The following RO60 variants were observed in gnomAD, a reference collection of about 807,000 sequenced individuals.
RO60 encodes RNA-binding protein RO60.
RO60 carries 20 observed loss-of-function variants against 55.3 expected under a neutral mutation model. The observed-to-expected ratio is 0.36, with a 90% confidence interval of 0.25 to 0.53. The LOEUF is 0.53. Among genes scored for constraint, RO60 ranks in the 20% least tolerant of loss-of-function variants. The probability of loss-of-function intolerance (pLI) is 0.92; values close to 1 mark genes in which losing one functional copy is unlikely to be tolerated. For synonymous variants in RO60, 213 were observed against 213.6 expected, an observed-to-expected ratio of 1.00 and a Z score of 0.02; for missense variants, 558 against 646.6, an observed-to-expected ratio of 0.86 and a Z score of 1.49.
At chr1:193,080,745 T>C (rs1674249432) in intron 5 of RO60, among the ~76,000 whole-genome samples, 1 of 152,154 alleles carries the variant, frequency 6.6e-6, no homozygotes, top group Non-Finnish European at 1.5e-5. Flanking sequence ...TTATACTAAG[T>C]AAAATAAGCC....
In RO60 at chr1:193,090,350, T is replaced by C. The variant is rs1417903310; in HGVS notation, c.*5619T>C. Reference sequence around the variant, plus strand: ...GGCTTTATTTGTAACGTAAACTATATATAATCCATACGTAGCCAAATTAGA... The same window carrying C: ...GGCTTTATTTGTAACGTAAACTATACATAATCCATACGTAGCCAAATTAGA... On this transcript the variant is annotated 3_prime_UTR_variant, in exon 9 of 9. Coordinates refer to ENST00000400968, the MANE Select transcript of RO60 (RefSeq NM_001173524.2). The C allele has an allele frequency of 1.3e-5, 2 of 152,070 alleles. No individual in the cohort carries two copies. The highest frequency in any genetic ancestry group is 1.3e-4 in the Admixed American group (2 of 15,254). 9.4% of individuals were successfully genotyped at this position (152,070 alleles called of 1,614,324 possible). A position where few individuals can be genotyped will look rare whatever the true frequency, so the allele number is the denominator to read the frequency against.
At chr1:193,082,423 A>G (rs763447132) in intron 7 of RO60, 124 bp downstream of exon 7, 49 of 1,333,924 alleles carry the variant, frequency 3.7e-5, no homozygotes, top group Non-Finnish European at 5.1e-5. Flanking sequence ...TAATTTTTGC[A>G]TGACAAGTAC....
In RO60 at chr1:193,066,369, C is replaced by A. The variant is rs146851855; in HGVS notation, c.-21-2665C>A. 4.2e-3 allele frequency among the ~76,000 whole-genome samples: 647 copies of A among 152,308 alleles called. 4 individuals carry two copies. The highest frequency in any genetic ancestry group is 0.01 in the South Asian group (49 of 4,830). Reference sequence around the variant, plus strand: ...AAGTATGTGTCTACAAAAGAGTAGTCTAGCTGTGAAGTTTCTTCCTCACTG... The same window carrying A: ...AAGTATGTGTCTACAAAAGAGTAGTATAGCTGTGAAGTTTCTTCCTCACTG... On this transcript the variant is annotated intron_variant, in intron 1 of 8. Transcript: ENST00000400968.
intron 1 of RO60, among the ~76,000 whole-genome samples, chr1:193,064,049 A>G (rs995684362): frequency 2.0e-5 from 3 of 152,178 alleles, no homozygotes; most frequent in Admixed American, 6.5e-5. Context: ...CACATATGGC[A>G]AGGTCTGGGG....
intron 1 of RO60, among the ~76,000 whole-genome samples, chr1:193,061,706 C>T (rs898387688): frequency 6.6e-6 from 1 of 152,202 alleles, no homozygotes; most frequent in African/African-American, 2.4e-5. Flanking sequence ...CATGCTTGGC[C>T]GGGCACCGTG....
chr1:193,075,632 G>A (rs1159091319), intron 2 of RO60, among the ~76,000 whole-genome samples, 188 bp from the exon 3 acceptor site: 1 of 152,012 alleles, frequency 6.6e-6, no homozygotes, highest in Non-Finnish European at 1.5e-5. Flanking sequence ...AAATAGTAAT[G>A]ATGGAATAAG....
intron 5 of RO60, among the ~76,000 whole-genome samples, chr1:193,079,100 T>TG (rs1674121729): frequency 6.7e-6 from 1 of 148,502 alleles, no homozygotes; most frequent in African/African-American, 2.5e-5. Flanking sequence ...TTTTTTTTTT[T>TG]TTTTTGAGAC....
chr1:193,085,243 A>C lies in RO60; in HGVS notation c.*512A>C, dbSNP rs916681017. On this transcript the variant is annotated 3_prime_UTR_variant, in exon 9 of 9. Coordinates refer to ENST00000400968, the MANE Select transcript of RO60 (RefSeq NM_001173524.2). Reference sequence around the variant, plus strand: ...AAAAAAAAAACTAAGGCATTTGATTAAATTATGAATGAGTTTTACAAATTC... The same window carrying C: ...AAAAAAAAAACTAAGGCATTTGATTCAATTATGAATGAGTTTTACAAATTC... 6 of 1,151,650 alleles carry C rather than the reference A, an allele frequency of 5.2e-6. No individual in the cohort carries two copies. The African/African-American group carries it at 9.5e-5, about 18-fold the overall frequency. 71.3% of individuals were successfully genotyped at this position (1,151,650 alleles called of 1,614,324 possible).
At position 193,059,887 on chromosome 1, in the gene RO60, G is replaced by C. The variant is rs1672321747; in HGVS notation, c.-22+111G>C. ...CCCGCATCCCAGGGGTTGAGGCTGG[G>C]CAAACGCCGCGAAACTATCGCTCTT... On this transcript the variant is annotated intron_variant, in intron 1 of 8. Coordinates refer to ENST00000400968, the MANE Select transcript of RO60 (RefSeq NM_001173524.2). The surrounding 1 kb of genome is among the most constrained non-coding windows in gnomAD (Gnocchi z 4.9). The C allele has an allele frequency of 1.5e-6, 2 of 1,365,014 alleles. No individual in the cohort carries two copies. The allele number at this position is 1,365,014 out of a possible 1,614,324, so 84.6% of individuals were successfully genotyped here.
chr1:193,075,690 C>A (rs1008126684), intron 2 of RO60, 130 bp from the exon 3 acceptor site: 19 of 582,172 alleles, frequency 3.3e-5, no homozygotes, highest in Non-Finnish European at 5.3e-5. Flanking sequence ...TGGAAAGCAG[C>A]ATCCCAGTGT....
intron 6 of RO60, among the ~76,000 whole-genome samples, chr1:193,081,856 G>A (rs923335261): frequency 3.3e-5 from 5 of 152,090 alleles, no homozygotes; most frequent in African/African-American, 4.8e-5. Flanking sequence ...TAATAGGAGT[G>A]TCTAGAGACT....
chr1:193,066,499 G>A (rs1212487879), intron 1 of RO60, among the ~76,000 whole-genome samples: 1 of 152,092 alleles, frequency 6.6e-6, no homozygotes, highest in Non-Finnish European at 1.5e-5. Flanking sequence ...TCATTTTCTA[G>A]CCTTTTATTT....
At chr1:193,060,174 G>T in intron 1 of RO60, 1 of 1,092,192 alleles carries the variant, frequency 9.2e-7, no homozygotes, top group Non-Finnish European at 1.2e-6. Context: ...ATCTTTGTGG[G>T]AAGACAGGGT....
intron 1 of RO60, among the ~76,000 whole-genome samples, chr1:193,068,145 A>G (rs10801170): frequency 0.039 from 5,896 of 152,302 alleles, 114 homozygotes; most frequent in Non-Finnish European, 0.045. Flanking sequence ...CATACTGGCC[A>G]GTCATGACAC....
At position 193,087,988 on chromosome 1, in the gene RO60, A is replaced by G. The variant is rs1437869343; in HGVS notation, c.*3257A>G. 1.3e-5 allele frequency: 2 copies of G among 151,912 alleles called. No individual in the cohort carries two copies. Among genetic ancestry groups the G allele is most frequent in the Non-Finnish European group, 2.9e-5 (2 of 68,006 alleles). 9.4% of individuals were successfully genotyped at this position (151,912 alleles called of 1,614,324 possible). A position where few individuals can be genotyped will look rare whatever the true frequency, so the allele number is the denominator to read the frequency against. On this transcript the variant is annotated 3_prime_UTR_variant, in exon 9 of 9. Transcript: ENST00000400968. ...CTTCTTGGACAGACCTAGAAAAACA[A>G]GCTTATACTCTGAGGAAATGCTGTT...
At position 193,069,567 on chromosome 1, in the gene RO60, T is replaced by C; in HGVS notation, c.513T>C (p.Tyr171=). Residue 171 remains tyrosine (Y), a synonymous_variant, in exon 2 of 9, where the codon TAT becomes TAC. Transcript: ENST00000400968. ...GMALALAVTK[Y]KQRNGWSHKD... is the part of the protein sequence containing the mutation. ...CCCTTGCTCTGGCAGTTACAAAATA[T>C]AAACAGAGAAATGGCTGGTCTCACA... is the stretch of plus-strand genomic sequence containing the variant. The C allele has an allele frequency of 6.2e-7, 1 of 1,614,146 alleles. No homozygotes were observed. The highest frequency in any genetic ancestry group is 8.5e-7 in the Non-Finnish European group (1 of 1,180,016).
At chr1:193,067,997 A>G (rs1673230669) in intron 1 of RO60, among the ~76,000 whole-genome samples, 1 of 152,180 alleles carries the variant, frequency 6.6e-6, no homozygotes, top group Admixed American at 6.5e-5. Flanking sequence ...AGGTCTGAAG[A>G]TGGTTGTTAC....
chr1:193,075,429 A>G (rs959800502), intron 2 of RO60, among the ~76,000 whole-genome samples: 6 of 151,496 alleles, frequency 4.0e-5, no homozygotes, highest in Non-Finnish European at 8.8e-5. Flanking sequence ...AGACAAGTGA[A>G]TATAATTAAT....
At chr1:193,074,343 A>G (rs1184706710) in intron 2 of RO60, among the ~76,000 whole-genome samples, 1 of 152,228 alleles carries the variant, frequency 6.6e-6, no homozygotes, top group East Asian at 1.9e-4. Context: ...ACTAGTTTAC[A>G]GTCCCACCAA....
Sources: allele counts gnomAD v4.1 joint callset (sites outside exome capture counted in the v4.1 genomes callset), GRCh38; gene constraint gnomAD v4.1.1; non-coding constraint Gnocchi (gnomAD v3.1); transcripts MANE v1.5; gene names NCBI Gene and HGNC (gene_info 2026-07-23, HGNC 2026-07-21).